Variants in TSHZ2 observed in about 807,000 individuals in gnomAD.
TSHZ2 encodes the protein teashirt homolog 2.
TSHZ2 carries 21 observed loss-of-function variants against 74.4 expected under a neutral mutation model. The ratio of observed to expected loss-of-function variants is 0.28; its 90% CI spans 0.20 to 0.41. TSHZ2 has a LOEUF of 0.41. Ranked by LOEUF, TSHZ2 falls within the 10% of genes least tolerant of loss-of-function variation. The probability of loss-of-function intolerance (pLI) is 1.00; values close to 1 mark genes in which losing one functional copy is unlikely to be tolerated. For missense variants in TSHZ2, 1,244 were observed against 1,293.5 expected, an observed-to-expected ratio of 0.96 and a Z score of 0.59; for synonymous variants, 540 against 515.3, an observed-to-expected ratio of 1.05 and a Z score of -0.65.
intron 1 of TSHZ2, among the ~76,000 whole-genome samples, chr20:53,212,333 T>C (rs1410214581): frequency 1.3e-5 from 2 of 152,224 alleles, no homozygotes; most frequent in East Asian, 3.8e-4. Context: ...TCTTGTCATA[T>C]GGTTTATTTA....
chr20:53,127,709 T>TA (rs1282803910), intron 1 of TSHZ2, among the ~76,000 whole-genome samples: 6 of 152,356 alleles, frequency 3.9e-5, no homozygotes, highest in African/African-American at 1.2e-4. Context: ...CATCCATTAT[T>TA]TGATTTAATC....
In TSHZ2 at chr20:53,256,065, G is replaced by C. The variant is rs773210939; in HGVS notation, c.2607G>C (p.Glu869Asp). 1.2e-6 allele frequency: 2 copies of C among 1,614,028 alleles called. No homozygotes were observed. The highest frequency in any genetic ancestry group is 1.7e-6 in the Non-Finnish European group (2 of 1,179,940). Residue 869 changes from glutamate to aspartate, a missense_variant, in exon 2 of 3, where the codon GAG becomes GAC. This residue lies in a region of TSHZ2 where 185 missense variants were observed against 213.3 expected (regional missense o/e 0.87). Transcript: ENST00000371497. This position sits in a 1 kb window ranked among gnomAD's most constrained non-coding sequence, Gnocchi z 4.3. ...QFASSLFQTS[E>D]GKYLLSDLGP... ...CCTCGAGCCTCTTCCAGACATCAGAGGGCAAATACCTGCTGTCTGATCTGG... is the reference window on the plus strand; with the variant it reads ...CCTCGAGCCTCTTCCAGACATCAGACGGCAAATACCTGCTGTCTGATCTGG...
At chr20:53,233,256 T>C (rs1042625798) in intron 1 of TSHZ2, among the ~76,000 whole-genome samples, 1 of 152,208 alleles carries the variant, frequency 6.6e-6, no homozygotes. Flanking sequence ...CAGAAGATAC[T>C]GCAATGCACA....
chr20:53,025,986 T>G lies in TSHZ2; in HGVS notation c.40+52653T>G, dbSNP rs150381761. 2.9e-3 allele frequency among the ~76,000 whole-genome samples: 448 copies of G among 152,306 alleles called. 2 individuals carry two copies. Among genetic ancestry groups the G allele is most frequent in the African/African-American group, 0.011 (438 of 41,566 alleles). ...AGAGCCCGTTAGGATTGCAGGAGGC[T>G]GTGGTATGGCAGTGTCTGGCTGGTA... On this transcript the variant is annotated intron_variant, in intron 1 of 2. Coordinates refer to ENST00000371497, the MANE Select transcript of TSHZ2 (RefSeq NM_173485.6).
chr20:53,292,578 G>T (rs953806106), intron 2 of TSHZ2, among the ~76,000 whole-genome samples: 21 of 151,996 alleles, frequency 1.4e-4, no homozygotes, highest in African/African-American at 5.1e-4. Flanking sequence ...CTCCCGAGTA[G>T]TTGGGACTAC....
chr20:53,205,458 C>T (rs1989144266), intron 1 of TSHZ2, among the ~76,000 whole-genome samples: 1 of 152,190 alleles, frequency 6.6e-6, no homozygotes, highest in Non-Finnish European at 1.5e-5. Context: ...CTATTTGTGA[C>T]TTGAAACACA....
At chr20:53,413,782 AC>A (rs1261857807) in intron 2 of TSHZ2, among the ~76,000 whole-genome samples, 1 of 152,238 alleles carries the variant, frequency 6.6e-6, no homozygotes, top group African/African-American at 2.4e-5. Flanking sequence ...AAGAGTTATT[AC>A]TTAGTGGAAA....
chr20:53,193,452 A>G (rs917352085), intron 1 of TSHZ2, among the ~76,000 whole-genome samples: 1 of 151,816 alleles, frequency 6.6e-6, no homozygotes, highest in Non-Finnish European at 1.5e-5. Context: ...TTGCCCCCCA[A>G]CACACCCCCT....
chr20:53,452,823 GTTGT>G (rs1216584455), intron 2 of TSHZ2, among the ~76,000 whole-genome samples: 1 of 152,178 alleles, frequency 6.6e-6, no homozygotes, highest in Non-Finnish European at 1.5e-5. Context: ...AGTTCTGCCT[GTTGT>G]TTGTGTTTTT....
chr20:53,339,446 C>G (rs1202376214), intron 2 of TSHZ2, among the ~76,000 whole-genome samples: 1 of 152,174 alleles, frequency 6.6e-6, no homozygotes, highest in East Asian at 1.9e-4. Context: ...AAGGCCTCAT[C>G]ATGGCGTATT....
chr20:53,282,317 T>C (rs1171509819), intron 2 of TSHZ2, among the ~76,000 whole-genome samples: 2 of 152,224 alleles, frequency 1.3e-5, no homozygotes, highest in Admixed American at 6.5e-5. Context: ...AGTGCAAATA[T>C]ACAGGAATCA....
chr20:53,173,328 G>A (rs1315240332), intron 1 of TSHZ2, among the ~76,000 whole-genome samples: 1 of 152,200 alleles, frequency 6.6e-6, no homozygotes, highest in Non-Finnish European at 1.5e-5. Context: ...TAAAGCGGAG[G>A]CTGGGCGCTG....
chr20:53,264,941 T>C (rs899424460), intron 2 of TSHZ2, among the ~76,000 whole-genome samples: 1 of 152,244 alleles, frequency 6.6e-6, no homozygotes, highest in Non-Finnish European at 1.5e-5. Flanking sequence ...TCTGTTTATG[T>C]TGAGACTGGC....
chr20:53,481,441 G>T (rs1214261482), intron 2 of TSHZ2, among the ~76,000 whole-genome samples: 1 of 152,000 alleles, frequency 6.6e-6, no homozygotes, highest in African/African-American at 2.4e-5. Context: ...GGATGTCCTG[G>T]TGCACACCTG....
intron 2 of TSHZ2, among the ~76,000 whole-genome samples, chr20:53,457,249 A>G (rs1568926734): frequency 6.9e-6 from 1 of 145,452 alleles, no homozygotes; most frequent in Non-Finnish European, 1.5e-5. Flanking sequence ...AGCAGTTTGT[A>G]GTTCTCCTTG....
intron 2 of TSHZ2, among the ~76,000 whole-genome samples, chr20:53,322,323 G>A (rs1226947157): frequency 6.6e-6 from 1 of 152,164 alleles, no homozygotes; most frequent in African/African-American, 2.4e-5. Flanking sequence ...GACCAGCCTG[G>A]CCAACAGGGC....
intron 1 of TSHZ2, among the ~76,000 whole-genome samples, chr20:53,013,801 T>C (rs1158269069): frequency 1.3e-5 from 2 of 152,220 alleles, no homozygotes; most frequent in Non-Finnish European, 2.9e-5. Flanking sequence ...ATTGCCTATG[T>C]GGTTTTAAAA....
rs1450561329 is a variant in TSHZ2 at position 53,227,448 on chromosome 20, G to C, written c.41-26051G>C. On this transcript the variant is annotated intron_variant, in intron 1 of 2. Transcript: ENST00000371497. ...AATGTTAATCTTTATTATTGCCTTA[G>C]TAAGTGGGGAGGAAAACACACACAC... is the stretch of plus-strand genomic sequence containing the variant. Among the ~76,000 whole-genome samples the C allele has an allele frequency of 2.9e-5, 4 of 138,516 alleles. No homozygotes were observed. The East Asian group carries it at 8.2e-4, about 28-fold the overall frequency. 90.9% of individuals were successfully genotyped at this position (138,516 alleles called of 152,430 possible).
chr20:53,408,067 T>G (rs1982912976), intron 2 of TSHZ2, among the ~76,000 whole-genome samples: 1 of 152,234 alleles, frequency 6.6e-6, no homozygotes, highest in African/African-American at 2.4e-5. Flanking sequence ...TCTGAGTTAC[T>G]GAATCAATCT....
Sources: gnomAD v4.1 joint callset for allele counts (sites outside exome capture counted in the v4.1 genomes callset) on GRCh38, gnomAD v4.1.1 for gene constraint, gnomAD v4.1.1 regional missense constraint, Gnocchi (gnomAD v3.1) non-coding constraint, MANE v1.5 for transcripts, NCBI Gene and HGNC (gene_info 2026-07-23, HGNC 2026-07-21) for gene names.